The following DNAAF4 variants were observed in gnomAD, a reference collection of about 807,000 sequenced individuals.
DNAAF4 encodes dynein axonemal assembly factor 4.
A neutral mutation model predicts 51.8 loss-of-function variants in DNAAF4; 43 were observed. The ratio of observed to expected loss-of-function variants is 0.83; its 90% CI spans 0.65 to 1.07. The LOEUF (loss-of-function observed/expected upper bound fraction) is 1.07, where lower values mean the gene tolerates loss of function less well. Ranked by LOEUF, DNAAF4 falls within the 50% of genes least tolerant of loss-of-function variation. The pLI, the probability that DNAAF4 is intolerant of heterozygous loss-of-function variation, is 0.00. For missense variants in DNAAF4, 581 were observed against 493.0 expected, an observed-to-expected ratio of 1.18 and a Z score of -1.69; for synonymous variants, 194 against 165.6, an observed-to-expected ratio of 1.17 and a Z score of -1.32.
At chr15:55,460,539 A>G (rs1284362594) in intron 5 of DNAAF4, among the ~76,000 whole-genome samples, 2 of 152,178 alleles carry the variant, frequency 1.3e-5, no homozygotes, top group Admixed American at 6.5e-5. Context: ...TAGCACCACA[A>G]TAATAGTGGA....
intron 4 of DNAAF4, among the ~76,000 whole-genome samples, chr15:55,477,536 G>A (rs1023473780): frequency 6.6e-6 from 1 of 152,050 alleles, no homozygotes; most frequent in East Asian, 1.9e-4. Context: ...TACTGGAACT[G>A]AGTCAGTATT....
chr15:55,443,730 A>T (rs1043673544), intron 6 of DNAAF4, among the ~76,000 whole-genome samples: 6 of 152,106 alleles, frequency 3.9e-5, no homozygotes, highest in African/African-American at 1.4e-4. Flanking sequence ...CTTTTTAATG[A>T]TCGCCATTCT....
intron 4 of DNAAF4, among the ~76,000 whole-genome samples, chr15:55,482,536 G>A (rs1289442046): frequency 1.3e-5 from 2 of 151,978 alleles, no homozygotes; most frequent in Non-Finnish European, 2.9e-5. Flanking sequence ...AAAACGAGCT[G>A]GGCATGGTGG....
intron 7 of DNAAF4, 142 bp from the exon 8 acceptor site, chr15:55,435,200 ATC>A: frequency 1.2e-6 from 1 of 805,804 alleles, no homozygotes; most frequent in Non-Finnish European, 1.9e-6. Flanking sequence ...CACTGAATCC[ATC>A]TCTTTTCACA....
At chr15:55,465,425 C>T (rs2058156435) in intron 5 of DNAAF4, among the ~76,000 whole-genome samples, 1 of 151,274 alleles carries the variant, frequency 6.6e-6, no homozygotes, top group African/African-American at 2.4e-5. Context: ...CACACACAGA[C>T]ACACATACAA....
At chr15:55,505,896 C>G (rs2058724873) in intron 1 of DNAAF4, among the ~76,000 whole-genome samples, 1 of 152,098 alleles carries the variant, frequency 6.6e-6, no homozygotes, top group South Asian at 2.1e-4. Flanking sequence ...TGCACATGTA[C>G]CTTAGAACTT....
chr15:55,452,899 A>G (rs1440135283), intron 5 of DNAAF4, among the ~76,000 whole-genome samples: 1 of 152,136 alleles, frequency 6.6e-6, no homozygotes. Flanking sequence ...AACTAGAATC[A>G]TAGAAGGGTA....
Position 55,491,261 on chromosome 15 carries a change from A to T in DNAAF4, c.272-5T>A. 6.2e-7 allele frequency: 1 copy of T among 1,607,472 alleles called. No homozygotes were observed. Among genetic ancestry groups the T allele is most frequent in the East Asian group, 2.2e-5 (1 of 44,786 alleles). ...TTTGCATCATCTCTTTGTCAACTAA[A>T]ATGTACAGAATATTGCTAAATTAGA... On this transcript the variant is annotated splice_polypyrimidine_tract_variant and splice_region_variant and intron_variant, in intron 3 of 9. Coordinates refer to ENST00000321149, the MANE Select transcript of DNAAF4 (RefSeq NM_130810.4).
intron 3 of DNAAF4, among the ~76,000 whole-genome samples, chr15:55,496,156 G>A (rs1567035294): frequency 6.6e-6 from 1 of 152,140 alleles, no homozygotes; most frequent in East Asian, 1.9e-4. Context: ...CTTAAACCTA[G>A]GGAGGCGGAG....
intron 4 of DNAAF4, among the ~76,000 whole-genome samples, chr15:55,470,981 G>A (rs571426071): frequency 4.0e-5 from 6 of 149,708 alleles, no homozygotes; most frequent in Non-Finnish European, 8.9e-5. Flanking sequence ...AGCCTCTCAA[G>A]TAGTTGGGAC....
In DNAAF4 at chr15:55,458,099, A is replaced by C. The variant is rs145113298; in HGVS notation, c.638-7732T>G. ...CTACTCAAATGAGAAGGAACCAGAA[A>C]AGTAATTCTAGTAATATGACAATAC... On this transcript the variant is annotated intron_variant, in intron 5 of 9. Transcript: ENST00000321149. Among the ~76,000 whole-genome samples, 244 of 152,284 alleles carry C rather than the reference A, an allele frequency of 1.6e-3. 1 individual carries two copies. The highest frequency in any genetic ancestry group is 5.8e-3 in the African/African-American group (239 of 41,562).
chr15:55,439,629 A>G, intron 6 of DNAAF4, 48 bp from the exon 7 acceptor site: 1 of 1,509,290 alleles, frequency 6.6e-7, no homozygotes, highest in African/African-American at 1.4e-5. Flanking sequence ...TCTTTTTTTA[A>G]TTAACATTTC....
chr15:55,419,610 T>C (rs1277558547), intron 7 of DNAAF4, among the ~76,000 whole-genome samples: 2 of 152,186 alleles, frequency 1.3e-5, no homozygotes, highest in Admixed American at 1.3e-4. Flanking sequence ...AATTTATTGA[T>C]AGATTGAGCA....
At chr15:55,483,730 T>C (rs2058443671) in intron 4 of DNAAF4, among the ~76,000 whole-genome samples, 1 of 148,606 alleles carries the variant, frequency 6.7e-6, no homozygotes, top group African/African-American at 2.5e-5. Flanking sequence ...TTAGTAGAGA[T>C]GGGCCAGGCT....
At chr15:55,506,631 T>C (rs1252526315) in intron 1 of DNAAF4, among the ~76,000 whole-genome samples, 1 of 152,140 alleles carries the variant, frequency 6.6e-6, no homozygotes, top group Non-Finnish European at 1.5e-5. Context: ...GTCTTGGTCC[T>C]ATACACTAGG....
chr15:55,497,629 T>C (rs1694571330), intron 3 of DNAAF4, 83 bp downstream of exon 3: 21 of 1,482,204 alleles, frequency 1.4e-5, no homozygotes, highest in Non-Finnish European at 1.8e-5. Context: ...CTACACAATA[T>C]AGGTGCTTCA....
chr15:55,439,462 A>G lies in DNAAF4; in HGVS notation c.893+10T>C. 1 of 1,607,538 alleles carries G rather than the reference A, an allele frequency of 6.2e-7. No homozygotes were observed. Among genetic ancestry groups the G allele is most frequent in the Non-Finnish European group, 8.5e-7 (1 of 1,174,366 alleles). On this transcript the variant is annotated intron_variant, in intron 7 of 9. Transcript: ENST00000321149. ...TGATAAAGCTCATGATCAGAGTTCAAACAACTTACTTTCCTTTATCCTTCA... is the reference window on the plus strand; with the variant it reads ...TGATAAAGCTCATGATCAGAGTTCAGACAACTTACTTTCCTTTATCCTTCA...
At chr15:55,472,268 G>A (rs1019810637) in intron 4 of DNAAF4, among the ~76,000 whole-genome samples, 7 of 152,186 alleles carry the variant, frequency 4.6e-5, no homozygotes, top group Admixed American at 2.0e-4. Flanking sequence ...AAGACACACG[G>A]AGGAATATGC....
At chr15:55,451,092 T>A (rs1296527278) in intron 5 of DNAAF4, among the ~76,000 whole-genome samples, 1 of 152,024 alleles carries the variant, frequency 6.6e-6, no homozygotes, top group Non-Finnish European at 1.5e-5. Context: ...TGAGACTCCG[T>A]CTCCAACAAA....
Sources: gnomAD v4.1 joint callset for allele counts (sites outside exome capture counted in the v4.1 genomes callset) on GRCh38, gnomAD v4.1.1 for gene constraint, MANE v1.5 for transcripts, NCBI Gene and HGNC (gene_info 2026-07-23, HGNC 2026-07-21) for gene names.